The following DYM variants were observed in gnomAD, a reference collection of about 807,000 sequenced individuals.
DYM encodes the protein dymeclin, also known as dyggve-Melchior-Clausen syndrome protein.
A neutral mutation model predicts 93.1 loss-of-function variants in DYM; 78 were observed. The ratio of observed to expected loss-of-function variants is 0.84; its 90% CI spans 0.70 to 1.01. DYM has a LOEUF of 1.01. Ranked by LOEUF, DYM falls within the 50% of genes least tolerant of loss-of-function variation. The pLI, the probability that DYM is intolerant of heterozygous loss-of-function variation, is 0.00. For synonymous variants in DYM, 321 were observed against 319.7 expected (o/e 1.00, Z -0.04); for missense variants, 789 against 845.0 (o/e 0.93, Z 0.82).
intron 16 of DYM, among the ~76,000 whole-genome samples, chr18:49,106,854 C>T (rs551826623): frequency 1.3e-5 from 2 of 152,134 alleles, no homozygotes; most frequent in Non-Finnish European, 2.9e-5. Context: ...TCCTTCATTG[C>T]AACTTTAGTG....
chr18:49,152,356 T>C (rs545569900), intron 15 of DYM, among the ~76,000 whole-genome samples: 5 of 152,292 alleles, frequency 3.3e-5, no homozygotes, highest in Admixed American at 6.5e-5. Context: ...AATATTGTCC[T>C]TAGAATCACT....
chr18:49,434,938 T>A (rs1686918232), intron 1 of DYM, among the ~76,000 whole-genome samples: 1 of 152,096 alleles, frequency 6.6e-6, no homozygotes, highest in East Asian at 1.9e-4. Flanking sequence ...CCAGGTGTGG[T>A]AGCTCATGCC....
chr18:49,282,209 T>G (rs1375436624), intron 9 of DYM, 34 bp from the exon 10 acceptor site: 1 of 1,565,700 alleles, frequency 6.4e-7, no homozygotes, highest in African/African-American at 1.4e-5. Flanking sequence ...CAGTAATTTC[T>G]AGCTGTGCTT....
At chr18:49,401,162 C>T (rs1416610404) in intron 2 of DYM, among the ~76,000 whole-genome samples, 1 of 152,134 alleles carries the variant, frequency 6.6e-6, no homozygotes, top group Non-Finnish European at 1.5e-5. Context: ...TTCCATACCT[C>T]CAGGTCAATT....
intron 6 of DYM, among the ~76,000 whole-genome samples, chr18:49,351,434 A>G (rs888291604): frequency 6.6e-6 from 1 of 152,160 alleles, no homozygotes; most frequent in Non-Finnish European, 1.5e-5. Context: ...GAAATATTGA[A>G]TAACACAAAA....
intron 1 of DYM, among the ~76,000 whole-genome samples, chr18:49,440,336 T>C (rs1178337449): frequency 7.4e-6 from 1 of 134,498 alleles, no homozygotes; most frequent in Non-Finnish European, 1.6e-5. Flanking sequence ...TATACTATTA[T>C]ATATGATATA....
intron 17 of DYM, among the ~76,000 whole-genome samples, chr18:49,082,809 G>C (rs2078171071): frequency 6.6e-6 from 1 of 152,248 alleles, no homozygotes; most frequent in South Asian, 2.1e-4. Flanking sequence ...TGCTCTTCTA[G>C]GGCCTCAAGC....
intron 6 of DYM, among the ~76,000 whole-genome samples, chr18:49,336,839 A>G (rs1192588959): frequency 6.6e-6 from 1 of 152,232 alleles, no homozygotes; most frequent in East Asian, 1.9e-4. Flanking sequence ...GGATTACAGG[A>G]CACTCTGATA....
intron 3 of DYM, among the ~76,000 whole-genome samples, chr18:49,381,752 A>G (rs1365029628): frequency 2.6e-5 from 4 of 152,202 alleles, no homozygotes; most frequent in Non-Finnish European, 2.9e-5. Flanking sequence ...TTTGTTGTCA[A>G]TCAGCGGAGT....
intron 15 of DYM, among the ~76,000 whole-genome samples, chr18:49,150,275 T>C (rs2085671186): frequency 6.6e-6 from 1 of 152,214 alleles, no homozygotes. Flanking sequence ...GGCTTTGTTA[T>C]GGACTGAATG....
chr18:49,246,218 C>A (rs2094162318), intron 13 of DYM, among the ~76,000 whole-genome samples: 1 of 152,242 alleles, frequency 6.6e-6, no homozygotes, highest in Admixed American at 6.5e-5. Context: ...AGCATTCTCT[C>A]TTCCCTTGTT....
At chr18:49,298,987 A>G (rs1158513486) in intron 8 of DYM, among the ~76,000 whole-genome samples, 2 of 152,228 alleles carry the variant, frequency 1.3e-5, no homozygotes, top group African/African-American at 4.8e-5. Flanking sequence ...CAAATTAACT[A>G]TGATCCATGA....
intron 14 of DYM, among the ~76,000 whole-genome samples, chr18:49,183,376 G>A (rs994132086): frequency 9.9e-5 from 15 of 152,024 alleles, no homozygotes; most frequent in African/African-American, 3.1e-4. Context: ...AGGCAGTCCT[G>A]CACTTCTAAA....
intron 2 of DYM, among the ~76,000 whole-genome samples, chr18:49,402,181 C>T (rs1470006210): frequency 6.6e-6 from 1 of 152,174 alleles, no homozygotes; most frequent in African/African-American, 2.4e-5. Flanking sequence ...CTCAACCTCA[C>T]ACCCTCTACA....
At chr18:49,388,224 G>C (rs1005468986) in intron 3 of DYM, among the ~76,000 whole-genome samples, 16 of 152,090 alleles carry the variant, frequency 1.1e-4, no homozygotes, top group African/African-American at 3.9e-4. Flanking sequence ...CAGCTACTCA[G>C]GAGGCTGAAG....
intron 6 of DYM, among the ~76,000 whole-genome samples, chr18:49,337,004 G>A (rs2063719886): frequency 6.6e-6 from 1 of 152,122 alleles, no homozygotes; most frequent in Admixed American, 6.5e-5. Flanking sequence ...CTCAACTCTA[G>A]TATATAATAG....
At chr18:49,334,243 C>T (rs995502658) in intron 6 of DYM, among the ~76,000 whole-genome samples, 7 of 152,130 alleles carry the variant, frequency 4.6e-5, no homozygotes, top group African/African-American at 1.2e-4. Context: ...AGAGAAGGTA[C>T]AGTGTAGGGA....
intron 17 of DYM, among the ~76,000 whole-genome samples, chr18:49,064,120 T>C (rs1242413216): frequency 2.0e-5 from 3 of 152,210 alleles, no homozygotes; most frequent in Non-Finnish European, 4.4e-5. Flanking sequence ...ATTTATTATA[T>C]ACTGAGAGTT....
At chr18:49,295,771 G>A (rs2060495962) in intron 8 of DYM, among the ~76,000 whole-genome samples, 1 of 151,616 alleles carries the variant, frequency 6.6e-6, no homozygotes, top group Admixed American at 6.6e-5. Context: ...AAAAATTCTT[G>A]GCTCATCACA....
Sources: gnomAD v4.1 joint callset for allele counts (sites outside exome capture counted in the v4.1 genomes callset) on GRCh38, gnomAD v4.1.1 for gene constraint, MANE v1.5 for transcripts, NCBI Gene and HGNC (gene_info 2026-07-23, HGNC 2026-07-21) for gene names.